The following CA10 variants were observed in gnomAD, a reference collection of about 807,000 sequenced individuals.
The protein encoded by CA10 is carbonic anhydrase-related protein 10.
Under a neutral mutation model 44.2 loss-of-function variants are expected in CA10, and 14 were observed. The ratio of observed to expected loss-of-function variants is 0.32; its 90% CI spans 0.21 to 0.50. The LOEUF is 0.50. Among genes scored for constraint, CA10 ranks in the 20% least tolerant of loss-of-function variants. CA10 has a pLI of 0.99. For missense variants in CA10, 350 were observed against 409.7 expected (o/e 0.85, Z 1.26); for synonymous variants, 159 against 141.6 (o/e 1.12, Z -0.87).
intron 3 of CA10, among the ~76,000 whole-genome samples, chr17:51,870,775 T>C (rs1422037015): frequency 6.6e-6 from 1 of 152,212 alleles, no homozygotes; most frequent in Non-Finnish European, 1.5e-5. Flanking sequence ...ATCTCACTGG[T>C]GAACACTTCT....
At chr17:51,878,890 A>ATATATATG (rs1980228061) in intron 3 of CA10, among the ~76,000 whole-genome samples, 1 of 16,516 alleles carries the variant, frequency 6.1e-5, no homozygotes, top group African/African-American at 1.9e-4. Context: ...ATATATATAT[A>ATATATATG]TGGGTGTGTG....
intron 4 of CA10, among the ~76,000 whole-genome samples, chr17:51,719,879 T>G (rs143975662): frequency 1.8e-3 from 271 of 152,154 alleles, no homozygotes; most frequent in African/African-American, 6.0e-3. Context: ...AGCCAGGGCC[T>G]GTCACAAAAA....
At chr17:51,981,250 A>G (rs1319477521) in intron 2 of CA10, among the ~76,000 whole-genome samples, 1 of 152,006 alleles carries the variant, frequency 6.6e-6, no homozygotes, top group Non-Finnish European at 1.5e-5. Flanking sequence ...ATTGATCATA[A>G]CCCCAAACTG....
chr17:51,800,186 C>T (rs77151315), intron 3 of CA10, among the ~76,000 whole-genome samples: 5,082 of 152,092 alleles, frequency 0.033, 250 homozygotes, highest in African/African-American at 0.12. Flanking sequence ...AATGAAGTAC[C>T]GGTACATGCT....
At chr17:51,836,570 C>T (rs1908484823) in intron 3 of CA10, among the ~76,000 whole-genome samples, 1 of 152,162 alleles carries the variant, frequency 6.6e-6, no homozygotes, top group East Asian at 1.9e-4. Context: ...CTGTGGGGAG[C>T]CCCCACCCTT....
intron 2 of CA10, among the ~76,000 whole-genome samples, chr17:52,037,795 C>T (rs1188679268): frequency 6.6e-6 from 1 of 152,082 alleles, no homozygotes; most frequent in Admixed American, 6.6e-5. Flanking sequence ...CTTTGGTCAT[C>T]CTGCTCCCTC....
In CA10 at chr17:51,637,280, A is replaced by G. The variant is rs1435961684; in HGVS notation, c.635-1271T>C. On this transcript the variant is annotated intron_variant, in intron 6 of 8. Coordinates refer to ENST00000451037, the MANE Select transcript of CA10 (RefSeq NM_020178.5). ...CTCTCAATGATGCAATTCCCCAAAG[A>G]TCAGTCCAAGGCTCCCTTCTTTTCT... Among the ~76,000 whole-genome samples, 3 of 152,146 alleles carry G rather than the reference A, an allele frequency of 2.0e-5. No individual in the cohort carries two copies. The East Asian group carries it at 5.8e-4, about 29-fold the overall frequency.
chr17:51,848,186 G>C (rs1476132035), intron 3 of CA10, among the ~76,000 whole-genome samples: 1 of 151,342 alleles, frequency 6.6e-6, no homozygotes, highest in Admixed American at 6.6e-5. Flanking sequence ...ACAGGATCCA[G>C]CTCTTCATTT....
At chr17:51,743,044 G>A (rs893787482) in intron 4 of CA10, among the ~76,000 whole-genome samples, 3 of 152,210 alleles carry the variant, frequency 2.0e-5, no homozygotes, top group Non-Finnish European at 4.4e-5. Flanking sequence ...TGCCTAGCTC[G>A]GAGCCCACCA....
At chr17:51,653,517 C>T (rs1913656560) in intron 5 of CA10, 124 bp downstream of exon 5, 2 of 660,392 alleles carry the variant, frequency 3.0e-6, no homozygotes, top group Admixed American at 4.8e-5. Context: ...AAGGCACCAT[C>T]CCATAGTTTT....
chr17:52,135,195 C>A, intron 1 of CA10: 1 of 336,150 alleles, frequency 3.0e-6, no homozygotes, highest in East Asian at 7.6e-5. Flanking sequence ...CCCTCCCTCG[C>A]TAACCATGTT....
intron 4 of CA10, among the ~76,000 whole-genome samples, chr17:51,736,723 C>T (rs1432644230): frequency 6.6e-6 from 1 of 152,108 alleles, no homozygotes; most frequent in Non-Finnish European, 1.5e-5. Context: ...TGTTTATACA[C>T]AAATTTACAC....
chr17:51,701,028 C>T (rs756313068), intron 4 of CA10, among the ~76,000 whole-genome samples: 10 of 152,090 alleles, frequency 6.6e-5, no homozygotes, highest in South Asian at 4.2e-4. Context: ...CCATGGCACA[C>T]GTATACCTAT....
intron 1 of CA10, among the ~76,000 whole-genome samples, chr17:52,076,734 G>A (rs536940393): frequency 6.6e-6 from 1 of 152,246 alleles, no homozygotes; most frequent in Non-Finnish European, 1.5e-5. Context: ...TATTATAGAT[G>A]GATCTCCTAG....
chr17:51,780,372 G>A (rs527545904), intron 3 of CA10, among the ~76,000 whole-genome samples: 26 of 152,286 alleles, frequency 1.7e-4, no homozygotes, highest in Non-Finnish European at 3.5e-4. Flanking sequence ...TAAGATGAGA[G>A]AACTAAAGAT....
chr17:52,010,184 C>CA (rs1985739593), intron 2 of CA10, among the ~76,000 whole-genome samples: 1 of 151,988 alleles, frequency 6.6e-6, no homozygotes, highest in Non-Finnish European at 1.5e-5. Context: ...CTATGGAAAA[C>CA]AGTGTGGCGA....
chr17:52,032,632 C>T (rs541455680), intron 2 of CA10, among the ~76,000 whole-genome samples: 2 of 152,198 alleles, frequency 1.3e-5, no homozygotes, highest in African/African-American at 2.4e-5. Flanking sequence ...TGGGCCAAGT[C>T]GGGCCCCATG....
At chr17:51,859,318 T>C (rs1277529020) in intron 3 of CA10, among the ~76,000 whole-genome samples, 1 of 152,130 alleles carries the variant, frequency 6.6e-6, no homozygotes, top group African/African-American at 2.4e-5. Context: ...CACAGCAAGA[T>C]TGACACTGCT....
chr17:52,087,220 A>G (rs901624994), intron 1 of CA10, among the ~76,000 whole-genome samples: 3 of 152,208 alleles, frequency 2.0e-5, no homozygotes, highest in African/African-American at 7.2e-5. Context: ...GTCTCACTGC[A>G]ACCTCCGCCT....
Sources: gnomAD v4.1 joint callset for allele counts (sites outside exome capture counted in the v4.1 genomes callset) on GRCh38, gnomAD v4.1.1 for gene constraint, MANE v1.5 for transcripts, NCBI Gene and HGNC (gene_info 2026-07-23, HGNC 2026-07-21) for gene names.